The following TRDMT1 variants were observed in gnomAD, a reference collection of about 807,000 sequenced individuals.
The protein encoded by TRDMT1 is tRNA (cytosine(38)-C(5))-methyltransferase.
Under a neutral mutation model 51.2 loss-of-function variants are expected in TRDMT1, and 49 were observed. That is an observed-to-expected ratio of 0.96 (90% confidence interval 0.76 to 1.21). The LOEUF (loss-of-function observed/expected upper bound fraction) is 1.21, where lower values mean the gene tolerates loss of function less well. Among genes scored for constraint, TRDMT1 ranks in the 50% most tolerant of loss-of-function variants. The pLI is 0.00. For synonymous variants in TRDMT1, 187 were observed against 164.6 expected (o/e 1.14, Z -1.04); for missense variants, 534 against 462.3 (o/e 1.16, Z -1.42).
chr10:17,153,634 A>G lies in TRDMT1; in HGVS notation c.948T>C (p.Val316=), dbSNP rs1839089379. ...SVLQTAEDVQ[V]ENIYKSLTNL... Reference sequence around the variant, plus strand: ...TGGTAAGGGATTTGTAGATATTCTCAACCTGTAAGAAAATACCCAAGATAA... The same window carrying G: ...TGGTAAGGGATTTGTAGATATTCTCGACCTGTAAGAAAATACCCAAGATAA... Residue 316 remains valine (V), a splice_region_variant and synonymous_variant, in exon 10 of 11, where the codon GTT becomes GTC. Coordinates refer to ENST00000377799, the MANE Select transcript of TRDMT1 (RefSeq NM_004412.7). The G allele has an allele frequency of 6.4e-7, 1 of 1,569,362 alleles. No homozygotes were observed. Among genetic ancestry groups the G allele is most frequent in the Non-Finnish European group, 8.6e-7 (1 of 1,159,074 alleles).
chr10:17,195,407 T>C (rs999963919), intron 1 of TRDMT1, among the ~76,000 whole-genome samples: 1 of 152,068 alleles, frequency 6.6e-6, no homozygotes, highest in South Asian at 2.1e-4. Context: ...AAACATTGGA[T>C]ACTCATGGAC....
Position 17,193,695 on chromosome 10 carries a change from G to T in TRDMT1, c.64+7876C>A, listed in dbSNP as rs190392378. Among the ~76,000 whole-genome samples, 231 of 152,250 alleles carry T rather than the reference G, an allele frequency of 1.5e-3. 2 individuals carry two copies. The highest frequency in any genetic ancestry group is 1.3e-3 in the Non-Finnish European group (87 of 68,008). On this transcript the variant is annotated intron_variant, in intron 1 of 10. Coordinates refer to ENST00000377799, the MANE Select transcript of TRDMT1 (RefSeq NM_004412.7). Reference sequence around the variant, plus strand: ...AAATGGAAAAACATCCCATGCTTATGGATTCAAAAAATCAATGTTGTTAAA... The same window carrying T: ...AAATGGAAAAACATCCCATGCTTATTGATTCAAAAAATCAATGTTGTTAAA...
chr10:17,145,784 A>T lies in TRDMT1; in HGVS notation c.*3256T>A, dbSNP rs1838052801. Reference sequence around the variant, plus strand: ...AGCAACCAGAGTGACTTTGGTTTGGATGCAGATGCAGCTGGCCTGCAGAAT... The same window carrying T: ...AGCAACCAGAGTGACTTTGGTTTGGTTGCAGATGCAGCTGGCCTGCAGAAT... On this transcript the variant is annotated 3_prime_UTR_variant, in exon 11 of 11. Coordinates refer to ENST00000377799, the MANE Select transcript of TRDMT1 (RefSeq NM_004412.7). The T allele has an allele frequency of 1.0e-6, 1 of 985,358 alleles. No homozygotes were observed. Among genetic ancestry groups the T allele is most frequent in the Non-Finnish European group, 1.2e-6 (1 of 829,942 alleles). The allele number at this position is 985,358 out of a possible 1,614,324, so 61.0% of individuals were successfully genotyped here. A position where few individuals can be genotyped will look rare whatever the true frequency, so the allele number is the denominator to read the frequency against.
chr10:17,200,966 C>T (rs1846075092), intron 1 of TRDMT1, among the ~76,000 whole-genome samples: 1 of 152,202 alleles, frequency 6.6e-6, no homozygotes, highest in Admixed American at 6.5e-5. Flanking sequence ...CCCAACGTCA[C>T]ACTGCCACCA....
chr10:17,168,657 T>G (rs901503863), intron 3 of TRDMT1, among the ~76,000 whole-genome samples, 184 bp downstream of exon 3: 7 of 152,194 alleles, frequency 4.6e-5, no homozygotes, highest in African/African-American at 1.7e-4. Flanking sequence ...AACATCTCTC[T>G]CTTTACCTGC....
rs991550412 is a variant in TRDMT1, at chr10:17,142,088, A to G, written c.*6952T>C. 1.3e-5 allele frequency among the ~76,000 whole-genome samples: 2 copies of G among 152,164 alleles called. No homozygotes were observed. The highest frequency in any genetic ancestry group is 4.8e-5 in the African/African-American group (2 of 41,444). ...CAAGACAACTTGTAATTACCTGTTG[A>G]AGCATTTTTATGAGAGTTGCTTAAA... On this transcript the variant is annotated 3_prime_UTR_variant, in exon 11 of 11. Transcript: ENST00000377799.
chr10:17,199,164 T>C (rs2131640438), intron 1 of TRDMT1, among the ~76,000 whole-genome samples: 1 of 152,322 alleles, frequency 6.6e-6, no homozygotes, highest in Non-Finnish European at 1.5e-5. Flanking sequence ...TTTTAAACTT[T>C]AGTACATCAA....
intron 2 of TRDMT1, among the ~76,000 whole-genome samples, chr10:17,172,266 A>G (rs537112741): frequency 6.6e-6 from 1 of 152,350 alleles, no homozygotes; most frequent in East Asian, 1.9e-4. Flanking sequence ...ATTATTACAG[A>G]CCTTAAGTCA....
At chr10:17,197,459 CTGA>C (rs1483387694) in intron 1 of TRDMT1, among the ~76,000 whole-genome samples, 1 of 152,122 alleles carries the variant, frequency 6.6e-6, no homozygotes, top group Non-Finnish European at 1.5e-5. Context: ...ACTGGATATG[CTGA>C]TAAGGATGAA....
At chr10:17,171,525 CTT>C (rs981814007) in intron 2 of TRDMT1, 6 of 152,210 alleles carry the variant, frequency 3.9e-5, no homozygotes, top group South Asian at 2.1e-4. Flanking sequence ...AGGCTTAACT[CTT>C]TTGTTTTTGG....
rs982148170 is a variant in TRDMT1, at chr10:17,201,381, G to A, written c.64+190C>T. 7 of 541,724 alleles carry A rather than the reference G, an allele frequency of 1.3e-5. 1 individual carries two copies. The South Asian group carries it at 1.3e-4, about 10-fold the overall frequency. 33.6% of individuals were successfully genotyped at this position (541,724 alleles called of 1,614,324 possible). On this transcript the variant is annotated intron_variant, in intron 1 of 10. Coordinates refer to ENST00000377799, the MANE Select transcript of TRDMT1 (RefSeq NM_004412.7). ...GAGCCAGACTCGGCGCCAGGAGAAG[G>A]GAGTCAGCGTCTGGAGGGGTGGACA...
chr10:17,169,581 G>GT, intron 2 of TRDMT1: 1 of 1,254,154 alleles, frequency 8.0e-7, no homozygotes, highest in Non-Finnish European at 1.0e-6. Context: ...CACGTCAGGG[G>GT]TTTGCCAACT....
intron 10 of TRDMT1, chr10:17,153,172 G>A (rs1249013556): frequency 7.2e-6 from 3 of 418,954 alleles, no homozygotes; most frequent in Non-Finnish European, 4.2e-6. Context: ...GGGTGATTAG[G>A]AGAGGACCTC....
chr10:17,181,885 T>C (rs969337345), intron 1 of TRDMT1, among the ~76,000 whole-genome samples: 1 of 152,194 alleles, frequency 6.6e-6, no homozygotes, highest in Non-Finnish European at 1.5e-5. Flanking sequence ...GGCCCCTCCT[T>C]TTCTGGCAAT....
At chr10:17,181,736 T>C (rs1843307731) in intron 1 of TRDMT1, among the ~76,000 whole-genome samples, 1 of 152,166 alleles carries the variant, frequency 6.6e-6, no homozygotes, top group Non-Finnish European at 1.5e-5. Context: ...CTATTTATGT[T>C]ACAAATGTCT....
chr10:17,148,260 C>T lies in TRDMT1; in HGVS notation c.*780G>A, dbSNP rs1588691997. 2 of 985,420 alleles carry T rather than the reference C, an allele frequency of 2.0e-6. No individual in the cohort carries two copies. The highest frequency in any genetic ancestry group is 2.3e-4 in the East Asian group (2 of 8,822). The allele number at this position is 985,420 out of a possible 1,614,324, so 61.0% of individuals were successfully genotyped here. A position where few individuals can be genotyped will look rare whatever the true frequency, so the allele number is the denominator to read the frequency against. ...ATGGGATCAGAGGGCAGCTTCCTCC[C>T]TGAAATCTTAACGTCATGCTACATT... On this transcript the variant is annotated 3_prime_UTR_variant, in exon 11 of 11. Transcript: ENST00000377799.
intron 1 of TRDMT1, among the ~76,000 whole-genome samples, chr10:17,196,064 AAC>A (rs1270761329): frequency 6.6e-6 from 1 of 152,230 alleles, no homozygotes; most frequent in East Asian, 1.9e-4. Flanking sequence ...TTCAGTTACA[AAC>A]ACACCCAGTT....
At chr10:17,199,525 G>T (rs1308656700) in intron 1 of TRDMT1, among the ~76,000 whole-genome samples, 1 of 152,160 alleles carries the variant, frequency 6.6e-6, no homozygotes, top group South Asian at 2.1e-4. Flanking sequence ...AAGAATTCAG[G>T]GAATCGTTTA....
chr10:17,165,841 G>A (rs1050966907), intron 3 of TRDMT1, among the ~76,000 whole-genome samples: 1 of 152,204 alleles, frequency 6.6e-6, no homozygotes, highest in Non-Finnish European at 1.5e-5. Context: ...ACACCAGTTA[G>A]AATGGCAATC....
Sources: gnomAD v4.1 joint callset for allele counts (sites outside exome capture counted in the v4.1 genomes callset) on GRCh38, gnomAD v4.1.1 for gene constraint, MANE v1.5 for transcripts, NCBI Gene and HGNC (gene_info 2026-07-23, HGNC 2026-07-21) for gene names.